Variants in GIPC1 observed in about 807,000 individuals in gnomAD.
GIPC1 encodes PDZ domain-containing protein GIPC1.
Under a neutral mutation model 28.5 loss-of-function variants are expected in GIPC1, and 15 were observed. The observed-to-expected ratio is 0.53, with a 90% confidence interval of 0.35 to 0.81. The LOEUF (loss-of-function observed/expected upper bound fraction) is 0.81, where lower values mean the gene tolerates loss of function less well. Ranked by LOEUF, GIPC1 falls within the 30% of genes least tolerant of loss-of-function variation. The pLI is 0.01. For missense variants in GIPC1, 439 were observed against 481.9 expected (o/e 0.91, Z 0.83); for synonymous variants, 224 against 206.1 (o/e 1.09, Z -0.74).
chr19:14,486,841 A>G (rs1568365923), intron 3 of GIPC1, among the ~76,000 whole-genome samples: 2 of 150,794 alleles, frequency 1.3e-5, no homozygotes, highest in East Asian at 3.9e-4. Flanking sequence ...CCTCCCAAGT[A>G]GCTGTGACTA....
At position 14,490,548 on chromosome 19, in the gene GIPC1, A is replaced by G. The variant is rs578077416; in HGVS notation, c.-31+1108T>C. Reference sequence around the variant, plus strand: ...CAAAATTAGCTGGGTGTAGTGGCACATGCCTGTAATCCCAGCTACTAGGGA... The same window carrying G: ...CAAAATTAGCTGGGTGTAGTGGCACGTGCCTGTAATCCCAGCTACTAGGGA... On this transcript the variant is annotated intron_variant, in intron 3 of 8. Coordinates refer to ENST00000393033, the MANE Select transcript of GIPC1 (RefSeq NM_005716.4). Among the ~76,000 whole-genome samples, 7 of 145,264 alleles carry G rather than the reference A, an allele frequency of 4.8e-5. No homozygotes were observed. The South Asian group carries it at 1.4e-3, about 28-fold the overall frequency.
chr19:14,495,561 A>G (rs1303993498), intron 1 of GIPC1, among the ~76,000 whole-genome samples: 1 of 152,134 alleles, frequency 6.6e-6, no homozygotes, highest in African/African-American at 2.4e-5. Flanking sequence ...AATTATCCTC[A>G]TGGTAAATGC....
chr19:14,493,696 G>C (rs1429442576), intron 1 of GIPC1, among the ~76,000 whole-genome samples: 1 of 151,946 alleles, frequency 6.6e-6, no homozygotes, highest in Admixed American at 6.6e-5. Context: ...TTTCATTCTT[G>C]TTGCCCAGGT....
chr19:14,485,751 GGA>G (rs1324783645), intron 3 of GIPC1, among the ~76,000 whole-genome samples: 3 of 116,928 alleles, frequency 2.6e-5, no homozygotes, highest in African/African-American at 3.1e-5. Flanking sequence ...ACAGAGAGAG[GGA>G]GAGAGAGAGA....
intron 3 of GIPC1, among the ~76,000 whole-genome samples, chr19:14,486,967 C>T (rs144481369): frequency 6.6e-6 from 1 of 151,854 alleles, no homozygotes; most frequent in African/African-American, 2.4e-5. Context: ...CTCCATTCTC[C>T]CCTCCCTTCA....
At chr19:14,484,064 G>C (rs1226814583) in intron 3 of GIPC1, among the ~76,000 whole-genome samples, 1 of 150,266 alleles carries the variant, frequency 6.7e-6, no homozygotes, top group East Asian at 2.0e-4. Flanking sequence ...GCAACGGTGT[G>C]ATCTTGACTC....
At chr19:14,485,658 A>AAAT (rs1568364938) in intron 3 of GIPC1, among the ~76,000 whole-genome samples, 2 of 143,738 alleles carry the variant, frequency 1.4e-5, no homozygotes, top group African/African-American at 5.1e-5. Context: ...TCCGTCTCAA[A>AAAT]AAATAAATAA....
At chr19:14,491,992 C>T (rs899877341) in intron 2 of GIPC1, among the ~76,000 whole-genome samples, 1 of 151,806 alleles carries the variant, frequency 6.6e-6, no homozygotes, top group Non-Finnish European at 1.5e-5. Flanking sequence ...GGCATGAACC[C>T]GGGAGGTGGA....
chr19:14,485,840 G>A (rs893082133), intron 3 of GIPC1, among the ~76,000 whole-genome samples: 1 of 150,544 alleles, frequency 6.6e-6, no homozygotes, highest in South Asian at 2.1e-4. Flanking sequence ...GCGCGATCTC[G>A]GCTCACTGCA....
At position 14,480,713 on chromosome 19, in the gene GIPC1, C is replaced by T. The variant is rs766050075; in HGVS notation, c.354G>A (p.Gly118=). 9.3e-6 allele frequency: 15 copies of T among 1,613,992 alleles called. No homozygotes were observed. The highest frequency in any genetic ancestry group is 1.2e-5 in the Non-Finnish European group (14 of 1,179,868). Residue 118 remains glycine (G), a synonymous_variant, in exon 5 of 9, where the codon GGG becomes GGA. Transcript: ENST00000393033. ...DMDKLLGGQI[G]LEDFIFAHVK... ...CGTGGGCGAAGATGAAGTCCTCCAG[C>T]CCGATCTGGCCCCCCAGGAGCTTGT...
chr19:14,478,667 A>C lies in GIPC1; in HGVS notation c.850+17T>G. On this transcript the variant is annotated intron_variant, in intron 8 of 8. Coordinates refer to ENST00000393033, the MANE Select transcript of GIPC1 (RefSeq NM_005716.4). This position sits in a 1 kb window ranked among gnomAD's most constrained non-coding sequence, Gnocchi z 5.2. ...AGCAGACCTAGATGCCCCCTCCCCC[A>C]GGCAGCCCTCACTCACCCAGCTCCG... 1 of 1,613,016 alleles carries C rather than the reference A, an allele frequency of 6.2e-7. No individual in the cohort carries two copies. Among genetic ancestry groups the C allele is most frequent in the Non-Finnish European group, 8.5e-7 (1 of 1,179,136 alleles).
At chr19:14,490,692 G>C (rs2071950498) in intron 3 of GIPC1, among the ~76,000 whole-genome samples, 1 of 151,712 alleles carries the variant, frequency 6.6e-6, no homozygotes, top group Non-Finnish European at 1.5e-5. Flanking sequence ...AGAAAAAAAA[G>C]GCCAGGTGTG....
At position 14,478,461 on chromosome 19, in the gene GIPC1, A is replaced by C; in HGVS notation, c.957T>G (p.Phe319Leu). ...CGTCCCCAATGGCGCCCCAGACGTC[A>C]AAGACGAACTCGTCAGGGAAGGCAA... ...GDFAFPDEFV[F>L]DVWGAIGDAK... The change falls in exon 9 of 9, where the codon TTT becomes TTG. Residue 319 changes from phenylalanine (F) to leucine (L), a missense_variant. Coordinates refer to ENST00000393033, the MANE Select transcript of GIPC1 (RefSeq NM_005716.4). This position sits in a 1 kb window ranked among gnomAD's most constrained non-coding sequence, Gnocchi z 5.2. 1 of 1,612,956 alleles carries C rather than the reference A, an allele frequency of 6.2e-7. No individual in the cohort carries two copies. The highest frequency in any genetic ancestry group is 2.2e-5 in the East Asian group (1 of 44,842).
Position 14,482,671 on chromosome 19 carries a change from C to G in GIPC1, c.288+18G>C, listed in dbSNP as rs779418318. 17 of 1,609,064 alleles carry G rather than the reference C, an allele frequency of 1.1e-5. No homozygotes were observed. The highest frequency in any genetic ancestry group is 1.4e-5 in the Non-Finnish European group (16 of 1,178,336). Reference sequence around the variant, plus strand: ...GTCCACCATCAGGGACCCTGGTGCCCGGCTCCCCAGTGGATACCTCGGCAG... The same window carrying G: ...GTCCACCATCAGGGACCCTGGTGCCGGGCTCCCCAGTGGATACCTCGGCAG... On this transcript the variant is annotated intron_variant, in intron 4 of 8. Transcript: ENST00000393033.
chr19:14,483,069 C>T (rs2071767495), intron 3 of GIPC1, 63 bp from the exon 4 acceptor site: 4 of 1,146,622 alleles, frequency 3.5e-6, no homozygotes, highest in Middle Eastern at 4.1e-4. Context: ...TCCCACACTA[C>T]TCGAACCATA....
At chr19:14,495,291 T>C (rs1009454546) in intron 1 of GIPC1, among the ~76,000 whole-genome samples, 1 of 125,772 alleles carries the variant, frequency 8.0e-6, no homozygotes, top group Non-Finnish European at 1.6e-5. Context: ...GACCAGCAGG[T>C]GTGGCCCTGA....
At chr19:14,489,706 A>G (rs925616641) in intron 3 of GIPC1, 3 of 734,054 alleles carry the variant, frequency 4.1e-6, no homozygotes, top group South Asian at 1.5e-5. Flanking sequence ...GTACATTTTC[A>G]TATTAGACTT....
Position 14,477,859 on chromosome 19 carries a change from G to C in GIPC1, c.*557C>G, listed in dbSNP as rs1252541408. ...CCCTCCTGCTCTGGGCCAGGGATGGGCCTGGAAGGAGAGATGGGAGGTGGG... is the reference window on the plus strand; with the variant it reads ...CCCTCCTGCTCTGGGCCAGGGATGGCCCTGGAAGGAGAGATGGGAGGTGGG... On this transcript the variant is annotated 3_prime_UTR_variant, in exon 9 of 9. Coordinates refer to ENST00000393033, the MANE Select transcript of GIPC1 (RefSeq NM_005716.4). 2 of 154,320 alleles carry C rather than the reference G, an allele frequency of 1.3e-5. No individual in the cohort carries two copies. Among genetic ancestry groups the C allele is most frequent in the African/African-American group, 4.8e-5 (2 of 41,466 alleles). 9.6% of individuals were successfully genotyped at this position (154,320 alleles called of 1,614,324 possible).
rs1317240714 is a variant in GIPC1 at position 14,478,243 on chromosome 19, G to A, written c.*173C>T. ...CCCGGCCAGACTGGGAACCAGGGAG[G>A]GGATGGTACCGATTGGAGCGGGGCA... On this transcript the variant is annotated 3_prime_UTR_variant, in exon 9 of 9. Transcript: ENST00000393033. The surrounding 1 kb of genome is among the most constrained non-coding windows in gnomAD (Gnocchi z 5.2). 7 of 619,502 alleles carry A rather than the reference G, an allele frequency of 1.1e-5. No individual in the cohort carries two copies. The African/African-American group carries it at 1.3e-4, about 11-fold the overall frequency. The allele number at this position is 619,502 out of a possible 1,614,324, so 38.4% of individuals were successfully genotyped here.
Sources: allele counts gnomAD v4.1 joint callset (sites outside exome capture counted in the v4.1 genomes callset), GRCh38; gene constraint gnomAD v4.1.1; non-coding constraint Gnocchi (gnomAD v3.1); transcripts MANE v1.5; gene names NCBI Gene and HGNC (gene_info 2026-07-23, HGNC 2026-07-21).